The following PCDHGA9 variants were observed in gnomAD, a reference collection of about 807,000 sequenced individuals.
PCDHGA9 encodes the protein protocadherin gamma subfamily A, 9.
Under a neutral mutation model 62.5 loss-of-function variants are expected in PCDHGA9, and 37 were observed. The observed-to-expected ratio is 0.59, with a 90% CI of 0.46 to 0.78. The LOEUF (loss-of-function observed/expected upper bound fraction) is 0.78, where lower values mean the gene tolerates loss of function less well. Ranked by LOEUF, PCDHGA9 falls within the 30% of genes least tolerant of loss-of-function variation. PCDHGA9 has a pLI of 0.00. For synonymous variants in PCDHGA9, 459 were observed against 484.6 expected, an observed-to-expected ratio of 0.95 and a Z score of 0.69; for missense variants, 1,138 against 1,166.2, an observed-to-expected ratio of 0.98 and a Z score of 0.35.
intron 1 of PCDHGA9, among the ~76,000 whole-genome samples, chr5:141,445,447 A>G (rs974383838): frequency 3.4e-4 from 51 of 152,222 alleles, no homozygotes; most frequent in Admixed American, 1.3e-3. Flanking sequence ...TGGACTAAGG[A>G]TGCAGCAATG....
chr5:141,414,550 G>C, intron 1 of PCDHGA9: 1 of 1,613,948 alleles, frequency 6.2e-7, no homozygotes, highest in Non-Finnish European at 8.5e-7. Context: ...CTTCTCTCAA[G>C]TCTCCTACTT....
intron 1 of PCDHGA9, chr5:141,419,935 G>T: frequency 6.2e-7 from 1 of 1,614,070 alleles, no homozygotes; most frequent in Non-Finnish European, 8.5e-7. Flanking sequence ...AGTTTTACCT[G>T]GTGGTGGCCT....
rs779656906 is a variant in PCDHGA9 at position 141,476,872 on chromosome 5, C to T, written c.2425-17935C>T. On this transcript the variant is annotated intron_variant, in intron 1 of 3. Transcript: ENST00000573521. The surrounding 1 kb of genome is among the most constrained non-coding windows in gnomAD (Gnocchi z 7.6). ...TCAACCAGTCCTTGTACCGGGCGCG[C>T]GTCCTGGAGGATGCACCCTCCGGCA... 1.6e-4 allele frequency: 254 copies of T among 1,613,734 alleles called. No individual in the cohort carries two copies. The highest frequency in any genetic ancestry group is 2.1e-4 in the Non-Finnish European group (248 of 1,180,054).
chr5:141,448,966 A>G (rs981772425), intron 1 of PCDHGA9, among the ~76,000 whole-genome samples: 5 of 152,118 alleles, frequency 3.3e-5, no homozygotes, highest in Non-Finnish European at 7.4e-5. Context: ...CAAACAAACA[A>G]AAAAGAACTT....
chr5:141,466,068 G>C (rs1278308918), intron 1 of PCDHGA9, among the ~76,000 whole-genome samples: 4 of 152,080 alleles, frequency 2.6e-5, no homozygotes, highest in Admixed American at 2.6e-4. Flanking sequence ...CTTGCAGTGA[G>C]CTGATATCAT....
At chr5:141,475,950 C>T (rs1236145505) in intron 1 of PCDHGA9, 3 of 761,526 alleles carry the variant, frequency 3.9e-6, no homozygotes, top group East Asian at 2.7e-5. Context: ...CCCCTTTCTG[C>T]GCCCCGGGAT....
intron 1 of PCDHGA9, chr5:141,492,069 C>A (rs1595083522): frequency 2.1e-6 from 1 of 475,880 alleles, no homozygotes; most frequent in East Asian, 3.3e-5. Context: ...GCCTCCTAGG[C>A]GCCGGCTCCG....
chr5:141,477,777 A>G lies in PCDHGA9; in HGVS notation c.2425-17030A>G, dbSNP rs775845004. ...GTCCTAGCCACCAACATCAGCGTGA[A>G]CATATTTGTCACTGATCGCAATGAC... is the stretch of plus-strand genomic sequence containing the variant. On this transcript the variant is annotated intron_variant, in intron 1 of 3. Transcript: ENST00000573521. The surrounding 1 kb of genome is among the most constrained non-coding windows in gnomAD (Gnocchi z 4.9). The G allele has an allele frequency of 1.9e-4, 299 of 1,613,944 alleles. No homozygotes were observed. Among genetic ancestry groups the G allele is most frequent in the Non-Finnish European group, 2.5e-4 (295 of 1,180,048 alleles).
Position 141,414,407 on chromosome 5 carries a change from A to T in PCDHGA9, c.2424+9031A>T, listed in dbSNP as rs181582338. On this transcript the variant is annotated intron_variant, in intron 1 of 3. Transcript: ENST00000573521. ...GACAGTTATTACAGATTGGTGATACACAGAGCCCTTGACAGGGAACAGGTA... is the reference window on the plus strand; with the variant it reads ...GACAGTTATTACAGATTGGTGATACTCAGAGCCCTTGACAGGGAACAGGTA... 96 of 1,613,912 alleles carry T rather than the reference A, an allele frequency of 5.9e-5. No individual in the cohort carries two copies. In the East Asian group the frequency reaches 1.5e-3, roughly 25 times the overall value.
chr5:141,491,980 C>A lies in PCDHGA9; in HGVS notation c.2425-2827C>A. On this transcript the variant is annotated intron_variant, in intron 1 of 3. Coordinates refer to ENST00000573521, the MANE Select transcript of PCDHGA9 (RefSeq NM_018921.3). This position sits in a 1 kb window ranked among gnomAD's most constrained non-coding sequence, Gnocchi z 6.9. ...AAAAAAGGCCGGGGCCTCCTTCGAGCTTCCGGTGAATTTCGGGCGATTTCC... is the reference window on the plus strand; with the variant it reads ...AAAAAAGGCCGGGGCCTCCTTCGAGATTCCGGTGAATTTCGGGCGATTTCC... 1.3e-6 allele frequency: 1 copy of A among 784,426 alleles called. No homozygotes were observed. Among genetic ancestry groups the A allele is most frequent in the Non-Finnish European group, 1.9e-6 (1 of 530,582 alleles). The allele number at this position is 784,426 out of a possible 1,614,324, so 48.6% of individuals were successfully genotyped here.
chr5:141,408,329 A>G (rs2095085203), intron 1 of PCDHGA9: 1 of 1,613,698 alleles, frequency 6.2e-7, no homozygotes, highest in Admixed American at 1.7e-5. Context: ...GGAGCTGGCC[A>G]AGGGCTCGGT....
intron 1 of PCDHGA9, chr5:141,414,643 C>G (rs765652709): frequency 1.2e-6 from 2 of 1,613,942 alleles, no homozygotes; most frequent in Non-Finnish European, 8.5e-7. Flanking sequence ...AGAGAATGCC[C>G]AGATTATTTA....
rs543452623 is a variant in PCDHGA9, at chr5:141,404,692, C to G, written c.1740C>G (p.Arg580=). The change falls in exon 1 of 4, where the codon CGC becomes CGG. Residue 580 remains arginine (R), a synonymous_variant. Transcript: ENST00000573521. ...DGSTGVELAP[R]SAEPGYLVTK... ...CTACTGGTGTGGAGCTGGCACCCCG[C>G]TCTGCAGAGCCTGGCTACCTGGTGA... 2 of 1,614,080 alleles carry G rather than the reference C, an allele frequency of 1.2e-6. No individual in the cohort carries two copies. Among genetic ancestry groups the G allele is most frequent in the South Asian group, 2.2e-5 (2 of 91,082 alleles).
At chr5:141,508,896 C>A (rs1171693212) in intron 3 of PCDHGA9, among the ~76,000 whole-genome samples, 1 of 151,862 alleles carries the variant, frequency 6.6e-6, no homozygotes, top group Non-Finnish European at 1.5e-5. Context: ...GGGGAGGGGG[C>A]GGGGCGGTGG....
At chr5:141,448,114 A>G (rs1483138819) in intron 1 of PCDHGA9, among the ~76,000 whole-genome samples, 1 of 151,948 alleles carries the variant, frequency 6.6e-6, no homozygotes, top group Non-Finnish European at 1.5e-5. Flanking sequence ...AGAAAAGAAA[A>G]TTAGCCTCCC....
rs537755017 is a variant in PCDHGA9 at position 141,491,797 on chromosome 5, G to A, written c.2425-3010G>A. 16 of 1,506,818 alleles carry A rather than the reference G, an allele frequency of 1.1e-5. No individual in the cohort carries two copies. In the Admixed American group the frequency reaches 2.2e-4, roughly 20 times the overall value. The allele number at this position is 1,506,818 out of a possible 1,614,324, so 93.3% of individuals were successfully genotyped here. A position where few individuals can be genotyped will look rare whatever the true frequency, so the allele number is the denominator to read the frequency against. ...ATTGAACTTGCATCCACTCCTCTCC[G>A]GCCGGCTTGGTCGCTGGCTGCGCTC... On this transcript the variant is annotated intron_variant, in intron 1 of 3. Transcript: ENST00000573521. The surrounding 1 kb of genome is among the most constrained non-coding windows in gnomAD (Gnocchi z 6.9).
intron 1 of PCDHGA9, among the ~76,000 whole-genome samples, chr5:141,483,294 T>G (rs1392406131): frequency 2.0e-5 from 3 of 152,100 alleles, no homozygotes; most frequent in Non-Finnish European, 4.4e-5. Flanking sequence ...CAGTCATAAG[T>G]GAAGGGACTG....
At chr5:141,423,248 C>A in intron 1 of PCDHGA9, 1 of 1,613,888 alleles carries the variant, frequency 6.2e-7, no homozygotes, top group Non-Finnish European at 8.5e-7. Context: ...GAAGTCCTGG[C>A]GGACCTCGGC....
intron 1 of PCDHGA9, among the ~76,000 whole-genome samples, chr5:141,473,350 G>A (rs28461214): frequency 0.13 from 19,833 of 152,204 alleles, 1,410 homozygotes; most frequent in African/African-American, 0.17. Context: ...CAGTGAGGAT[G>A]CAAGTGGCCA....
Sources: gnomAD v4.1 joint callset for allele counts (sites outside exome capture counted in the v4.1 genomes callset) on GRCh38, gnomAD v4.1.1 for gene constraint, Gnocchi (gnomAD v3.1) non-coding constraint, MANE v1.5 for transcripts, NCBI Gene and HGNC (gene_info 2026-07-23, HGNC 2026-07-21) for gene names.